The following CCDC144A variants were observed in gnomAD, a reference collection of about 807,000 sequenced individuals.
The protein encoded by CCDC144A is coiled-coil domain containing 144A.
CCDC144A carries 41 observed loss-of-function variants against 143.8 expected under a neutral mutation model. The ratio of observed to expected loss-of-function variants is 0.29; its 90% confidence interval spans 0.22 to 0.37. The LOEUF (loss-of-function observed/expected upper bound fraction) is 0.37. Ranked by LOEUF, CCDC144A falls within the 10% of genes least tolerant of loss-of-function variation. CCDC144A has a pLI of 1.00. For missense variants in CCDC144A, 637 were observed against 1,488.8 expected, an observed-to-expected ratio of 0.43 and a Z score of 9.41; for synonymous variants, 242 against 517.9, an observed-to-expected ratio of 0.47 and a Z score of 7.23.
rs1555535613 is a variant in CCDC144A at position 16,753,434 on chromosome 17, T to TTTGTTGTTGTTG, written c.3373-7989_3373-7988insGTTGTTGTTGTT. Among the ~76,000 whole-genome samples, 168 of 118,590 alleles carry TTTGTTGTTGTTG rather than the reference T, an allele frequency of 1.4e-3. 1 individual carries two copies. The highest frequency in any genetic ancestry group is 6.8e-3 in the African/African-American group (161 of 23,746). The allele number at this position is 118,590 out of a possible 152,430, so 77.8% of individuals were successfully genotyped here. On this transcript the variant is annotated intron_variant, in intron 12 of 16. Transcript: ENST00000399273. Reference sequence around the variant, plus strand: ...CTTTTGTCAGTGTTTTGTAGTTTTTTTTTTTTTTTTTTTTTTTTTTTTGTA... The same window carrying TTTGTTGTTGTTG: ...CTTTTGTCAGTGTTTTGTAGTTTTTTTTGTTGTTGTTGTTTTTTTTTTTTTTTTTTTTTTGTA...
At chr17:16,711,195 A>G in intron 5 of CCDC144A, among the ~76,000 whole-genome samples, 1 of 148,188 alleles carries the variant, frequency 6.7e-6, no homozygotes, top group South Asian at 2.2e-4. Flanking sequence ...CTTAGTGCAG[A>G]AAAGGGAAAG....
chr17:16,692,606 AAATCTTTAACAAC>A (rs1045189095), intron 1 of CCDC144A, among the ~76,000 whole-genome samples: 1 of 151,448 alleles, frequency 6.6e-6, no homozygotes, highest in African/African-American at 2.4e-5. Context: ...TTTTCTTGTT[AAATCTTTAACAAC>A]CTAGTGAAAT....
Position 16,698,393 on chromosome 17 carries a change from A to G in CCDC144A, c.415+5344A>G, listed in dbSNP as rs1275225540. On this transcript the variant is annotated intron_variant, in intron 2 of 16. Coordinates refer to ENST00000399273, the MANE Select transcript of CCDC144A (RefSeq NM_001382000.1). ...CCTTCAGTGGCACTGTCTTCTAAAG[A>G]ACAATCATAGAGTTGTGGGGTTCGC... Among the ~76,000 whole-genome samples the G allele has an allele frequency of 2.0e-5, 3 of 152,122 alleles. No individual in the cohort carries two copies. The East Asian group carries it at 5.8e-4, about 29-fold the overall frequency.
At chr17:16,694,836 G>A (rs28626450) in intron 2 of CCDC144A, among the ~76,000 whole-genome samples, 16,950 of 152,072 alleles carry the variant, frequency 0.11, 1,201 homozygotes, top group South Asian at 0.29. Flanking sequence ...TAATTGCTAT[G>A]TTAACAGTAA....
chr17:16,728,042 A>T (rs928782245), intron 9 of CCDC144A: 53 of 312,002 alleles, frequency 1.7e-4, no homozygotes, highest in Non-Finnish European at 3.0e-4. Context: ...GATGTAAGGA[A>T]CATCTTTTAT....
chr17:16,747,747 G>A (rs1428137128), intron 12 of CCDC144A, among the ~76,000 whole-genome samples: 2 of 152,152 alleles, frequency 1.3e-5, no homozygotes, highest in South Asian at 2.1e-4. Context: ...TTATTGGTAT[G>A]TAGAAATGCT....
chr17:16,764,341 G>A, intron 15 of CCDC144A, 166 bp downstream of exon 15: 3 of 1,437,420 alleles, frequency 2.1e-6, no homozygotes, highest in South Asian at 1.5e-5. Flanking sequence ...TAAGTCTCTG[G>A]AGCTCTCATT....
At chr17:16,676,511 C>CA in the CCDC144A span, among the ~76,000 whole-genome samples, 4,923 of 79,744 alleles carry the variant, frequency 0.062, 276 homozygotes, top group African/African-American at 0.17. Context: ...ACTCCGTCTC[C>CA]AAAAAAAAAA....
chr17:16,757,014 T>G (rs1372107028), intron 12 of CCDC144A, among the ~76,000 whole-genome samples: 1 of 152,286 alleles, frequency 6.6e-6, no homozygotes, highest in Non-Finnish European at 1.5e-5. Context: ...ATTGATGGCA[T>G]ACACAAGGAT....
intron 12 of CCDC144A, among the ~76,000 whole-genome samples, chr17:16,754,142 C>G (rs1325515827): frequency 6.6e-6 from 1 of 152,182 alleles, no homozygotes; most frequent in Non-Finnish European, 1.5e-5. Context: ...TCTCTCATGA[C>G]TCCATGTATT....
chr17:16,709,267 G>A lies in CCDC144A; in HGVS notation c.1210G>A (p.Asp404Asn), dbSNP rs1355815929. ...TTTACATGAAAATAAATTAGACTGC[G>A]ACAATGATAACAAACCAGGCATTGG... ...FHLHENKLDC[D>N]NDNKPGIGHI... is the part of the protein sequence containing the mutation. The change falls in exon 5 of 17, where the codon GAC (aspartate) becomes AAC (asparagine). Residue 404 changes from aspartate (D) to asparagine (N), a missense_variant. Asp to Asn is a conservative substitution (Grantham distance 23). Transcript: ENST00000399273. 6 of 1,611,644 alleles carry A rather than the reference G, an allele frequency of 3.7e-6. No homozygotes were observed. Among genetic ancestry groups the A allele is most frequent in the South Asian group, 1.1e-5 (1 of 90,966 alleles).
rs577819809 is a variant in CCDC144A at position 16,707,481 on chromosome 17, C to T, written c.677C>T (p.Ser226Leu). ...NKESKEAEQD[S>L]ELTSEEEQER... ...TTGGATTTTGCAGCAGAACAAGACT[C>T]GGAGCTGACATCAGAGGAAGAGCAA... The change falls in exon 4 of 17, where the codon TCG becomes TTG. Residue 226 changes from serine to leucine, a missense_variant. By Grantham distance (145) the Ser-to-Leu change is moderately radical. Transcript: ENST00000399273. The T allele has an allele frequency of 1.9e-5, 30 of 1,607,068 alleles. No individual in the cohort carries two copies. The highest frequency in any genetic ancestry group is 6.7e-5 in the Admixed American group (4 of 59,564).
chr17:16,680,656 G>A, the CCDC144A span, among the ~76,000 whole-genome samples: 38 of 148,526 alleles, frequency 2.6e-4, no homozygotes, highest in Admixed American at 8.8e-4. Context: ...AGGGAGTGGG[G>A]GAGGGAGAGA....
intron 12 of CCDC144A, among the ~76,000 whole-genome samples, chr17:16,755,203 AT>A (rs1162612567): frequency 6.6e-6 from 1 of 152,044 alleles, no homozygotes; most frequent in African/African-American, 2.4e-5. Flanking sequence ...TATATCTTTA[AT>A]TGGGGAATTT....
chr17:16,741,340 C>G (rs1268200243), intron 12 of CCDC144A, among the ~76,000 whole-genome samples: 1 of 151,932 alleles, frequency 6.6e-6, no homozygotes, highest in Non-Finnish European at 1.5e-5. Flanking sequence ...ACTAAGATGT[C>G]TGTTGCTGAT....
intron 2 of CCDC144A, among the ~76,000 whole-genome samples, chr17:16,694,138 C>G (rs1405208428): frequency 6.7e-6 from 1 of 149,948 alleles, no homozygotes; most frequent in East Asian, 2.0e-4. Context: ...GGGAGAAAAT[C>G]TGCTCATAAG....
the CCDC144A span, among the ~76,000 whole-genome samples, chr17:16,674,097 T>C: frequency 6.6e-6 from 1 of 152,126 alleles, no homozygotes; most frequent in Non-Finnish European, 1.5e-5. Context: ...TGCTATGCAC[T>C]TTGTTTCCAA....
chr17:16,771,441 C>A (rs1915820508), intron 15 of CCDC144A, among the ~76,000 whole-genome samples: 1 of 152,210 alleles, frequency 6.6e-6, no homozygotes, highest in African/African-American at 2.4e-5. Flanking sequence ...AATCTTTTGC[C>A]AGTGGAACTT....
chr17:16,768,105 C>T (rs915066722), intron 15 of CCDC144A, among the ~76,000 whole-genome samples: 2 of 152,258 alleles, frequency 1.3e-5, no homozygotes, highest in African/African-American at 4.8e-5. Flanking sequence ...TAAGTTTAAT[C>T]TATAACGTTA....
Sources: allele counts gnomAD v4.1 joint callset (sites outside exome capture counted in the v4.1 genomes callset), GRCh38; gene constraint gnomAD v4.1.1; transcripts MANE v1.5; gene names NCBI Gene and HGNC (gene_info 2026-07-23, HGNC 2026-07-21).